The following B3GAT2 variants were observed in gnomAD, a reference collection of about 807,000 sequenced individuals.
The protein encoded by B3GAT2 is galactosylgalactosylxylosylprotein 3-beta-glucuronosyltransferase 2.
B3GAT2 carries 26 observed loss-of-function variants against 27.8 expected under a neutral mutation model. That is an observed-to-expected ratio of 0.93 (90% CI 0.68 to 1.30). The LOEUF (loss-of-function observed/expected upper bound fraction) is 1.30. B3GAT2 is among the 50% of genes most tolerant of loss of function. The pLI, the probability that B3GAT2 is intolerant of heterozygous loss-of-function variation, is 0.00. For synonymous variants in B3GAT2, 218 were observed against 195.1 expected (o/e 1.12, Z -0.98); for missense variants, 458 against 459.0 (o/e 1.00, Z 0.02).
At chr6:70,872,569 A>G (rs1389709380) in intron 2 of B3GAT2, among the ~76,000 whole-genome samples, 2 of 140,896 alleles carry the variant, frequency 1.4e-5, no homozygotes, top group African/African-American at 2.6e-5. Flanking sequence ...CTTGCTTTCA[A>G]TTTATTTGTG....
At chr6:70,951,386 A>C (rs1473621700) in intron 1 of B3GAT2, among the ~76,000 whole-genome samples, 3 of 152,204 alleles carry the variant, frequency 2.0e-5, no homozygotes, top group Non-Finnish European at 4.4e-5. Flanking sequence ...GTAGACAGAA[A>C]AAAGGGAGCC....
intron 1 of B3GAT2, among the ~76,000 whole-genome samples, chr6:70,954,576 C>A (rs969786492): frequency 7.2e-5 from 11 of 152,154 alleles, no homozygotes; most frequent in Non-Finnish European, 1.5e-4. Context: ...GTGTGGGAAG[C>A]AGTTAGGGTA....
intron 1 of B3GAT2, among the ~76,000 whole-genome samples, chr6:70,896,228 C>T (rs1772383045): frequency 2.0e-5 from 3 of 152,102 alleles, no homozygotes; most frequent in Admixed American, 2.0e-4. Flanking sequence ...AAAACCCACA[C>T]ATGGATTCCT....
intron 1 of B3GAT2, among the ~76,000 whole-genome samples, chr6:70,940,390 G>A (rs1207006717): frequency 6.6e-6 from 1 of 152,010 alleles, no homozygotes; most frequent in African/African-American, 2.4e-5. Context: ...GCTGGCATCT[G>A]GGATCCTTTC....
chr6:70,940,149 C>T (rs2150049106), intron 1 of B3GAT2, among the ~76,000 whole-genome samples: 1 of 152,104 alleles, frequency 6.6e-6, no homozygotes, highest in South Asian at 2.1e-4. Context: ...TAAAACCACA[C>T]ACAGACACCC....
chr6:70,860,383 T>G lies in B3GAT2; in HGVS notation c.*1280A>C, dbSNP rs776875226. ...AGAACTACCACCTGACATTCCTTGC[T>G]GAAACGCATCTAGTTCCCCTGTTTA... On this transcript the variant is annotated 3_prime_UTR_variant, in exon 4 of 4. Transcript: ENST00000230053. The G allele has an allele frequency of 6.4e-7, 1 of 1,568,234 alleles. No homozygotes were observed. The highest frequency in any genetic ancestry group is 1.2e-5 in the South Asian group (1 of 83,442).
Position 70,861,859 on chromosome 6 carries a change from G to GTTC in B3GAT2, c.853_855dup (p.Glu285dup), listed in dbSNP as rs779501635. The GTTC allele has an allele frequency of 1.2e-6, 2 of 1,613,984 alleles. No homozygotes were observed. Among genetic ancestry groups the GTTC allele is most frequent in the African/African-American group, 2.7e-5 (2 of 74,922 alleles). On this transcript the variant is annotated inframe_insertion, in exon 3 of 4. Coordinates refer to ENST00000230053, the MANE Select transcript of B3GAT2 (RefSeq NM_080742.3). ...GTGCAGTTATTTGCTTTCGGTTCCA[G>GTTC]TTCTTCGACTGTTGTTATCTGTTTG...
chr6:70,907,753 G>A (rs952409821), intron 1 of B3GAT2, among the ~76,000 whole-genome samples: 20 of 152,134 alleles, frequency 1.3e-4, no homozygotes, highest in African/African-American at 9.7e-5. Context: ...CTTATAAAGC[G>A]ACATATCTGA....
chr6:70,949,956 A>G (rs886281487), intron 1 of B3GAT2, among the ~76,000 whole-genome samples: 1 of 152,040 alleles, frequency 6.6e-6, no homozygotes, highest in African/African-American at 2.4e-5. Context: ...TCACAAGGAC[A>G]AAAAACCAAA....
Position 70,956,978 on chromosome 6 carries a change from C to T in B3GAT2, c.-549G>A, listed in dbSNP as rs888909042. ...GGGTGGAGACGCTGGGGGTTGTGTC[C>T]CGGCTGTGTTCGCGCGCCGCAGCGG... On this transcript the variant is annotated 5_prime_UTR_variant, in exon 1 of 4. Coordinates refer to ENST00000230053, the MANE Select transcript of B3GAT2 (RefSeq NM_080742.3). The T allele has an allele frequency of 8.0e-6, 8 of 1,003,266 alleles. No individual in the cohort carries two copies. The highest frequency in any genetic ancestry group is 7.0e-5 in the African/African-American group (4 of 57,310). The allele number at this position is 1,003,266 out of a possible 1,614,324, so 62.1% of individuals were successfully genotyped here.
intron 2 of B3GAT2, among the ~76,000 whole-genome samples, chr6:70,870,506 C>T (rs1023994687): frequency 4.0e-5 from 6 of 150,388 alleles, no homozygotes; most frequent in South Asian, 2.1e-4. Flanking sequence ...CAAACCTGCA[C>T]GTTGTGCACA....
chr6:70,946,162 A>G (rs1473378603), intron 1 of B3GAT2, among the ~76,000 whole-genome samples: 1 of 152,084 alleles, frequency 6.6e-6, no homozygotes, highest in Non-Finnish European at 1.5e-5. Context: ...AAACTGCATC[A>G]ACTAACGAGC....
At chr6:70,870,237 T>C (rs1771911824) in intron 2 of B3GAT2, among the ~76,000 whole-genome samples, 1 of 151,840 alleles carries the variant, frequency 6.6e-6, no homozygotes. Context: ...TCATGTCCTT[T>C]GTAGGGACAT....
chr6:70,920,167 G>GGT (rs1772843962), intron 1 of B3GAT2, among the ~76,000 whole-genome samples: 1 of 152,188 alleles, frequency 6.6e-6, no homozygotes, highest in African/African-American at 2.4e-5. Flanking sequence ...CAGCATCCCA[G>GGT]GTCGATCTCA....
intron 2 of B3GAT2, among the ~76,000 whole-genome samples, chr6:70,879,682 G>T (rs1450056497): frequency 6.6e-6 from 1 of 152,082 alleles, no homozygotes; most frequent in East Asian, 1.9e-4. Flanking sequence ...ATGAAGGAAG[G>T]GTGCGGGTGC....
intron 1 of B3GAT2, among the ~76,000 whole-genome samples, chr6:70,949,657 G>C (rs1316675204): frequency 6.6e-6 from 1 of 151,138 alleles, no homozygotes; most frequent in African/African-American, 2.4e-5. Flanking sequence ...GATTCCTCAG[G>C]GATCTAGAAC....
At position 70,859,553 on chromosome 6, in the gene B3GAT2, T is replaced by G; in HGVS notation, c.*2110A>C. Reference sequence around the variant, plus strand: ...CACAGTCTAACTCTGAGTGTAAGTTTTAAACCCACTCACTATATGGTAAAT... The same window carrying G: ...CACAGTCTAACTCTGAGTGTAAGTTGTAAACCCACTCACTATATGGTAAAT... On this transcript the variant is annotated 3_prime_UTR_variant, in exon 4 of 4. Transcript: ENST00000230053. 1 of 552,470 alleles carries G rather than the reference T, an allele frequency of 1.8e-6. No individual in the cohort carries two copies. Among genetic ancestry groups the G allele is most frequent in the Non-Finnish European group, 3.1e-6 (1 of 326,124 alleles). 34.2% of individuals were successfully genotyped at this position (552,470 alleles called of 1,614,324 possible).
intron 1 of B3GAT2, among the ~76,000 whole-genome samples, chr6:70,942,885 A>T (rs1002894865): frequency 2.6e-5 from 4 of 152,196 alleles, no homozygotes; most frequent in African/African-American, 9.6e-5. Context: ...CTGAAATCTC[A>T]GTTAATGGAG....
At chr6:70,862,930 CTG>C (rs1341855216) in intron 2 of B3GAT2, among the ~76,000 whole-genome samples, 1 of 152,130 alleles carries the variant, frequency 6.6e-6, no homozygotes, top group Non-Finnish European at 1.5e-5. Context: ...TGAGCTATGA[CTG>C]TGCCACTGCA....
Sources: allele counts gnomAD v4.1 joint callset (sites outside exome capture counted in the v4.1 genomes callset), GRCh38; gene constraint gnomAD v4.1.1; transcripts MANE v1.5; gene names NCBI Gene and HGNC (gene_info 2026-07-23, HGNC 2026-07-21).